Variants in B3GALT1 observed in about 807,000 individuals in gnomAD.
B3GALT1 encodes the protein UDP-Gal:betaGlcNAc beta 1,3-galactosyltransferase, polypeptide 1.
In B3GALT1, 10 loss-of-function variants were observed where a neutral mutation model predicts 23.2. The observed-to-expected ratio is 0.43, with a 90% confidence interval of 0.27 to 0.73. The LOEUF (loss-of-function observed/expected upper bound fraction) is 0.73. Ranked by LOEUF, B3GALT1 falls within the 30% of genes least tolerant of loss-of-function variation. The pLI is 0.21. For synonymous variants in B3GALT1, 156 were observed against 141.5 expected (o/e 1.10, Z -0.73); for missense variants, 299 against 405.4 (o/e 0.74, Z 2.25).
chr2:167,622,017 A>T (rs1335375047), intron 2 of B3GALT1, among the ~76,000 whole-genome samples: 1 of 152,106 alleles, frequency 6.6e-6, no homozygotes, highest in East Asian at 1.9e-4. Context: ...CTAATACAGA[A>T]GTATATACAT....
chr2:167,599,995 C>G (rs1037529239), intron 2 of B3GALT1, among the ~76,000 whole-genome samples: 12 of 152,160 alleles, frequency 7.9e-5, no homozygotes, highest in African/African-American at 2.9e-4. Context: ...GAATGTGTCT[C>G]CCGTATGCTA....
intron 1 of B3GALT1, among the ~76,000 whole-genome samples, chr2:167,454,253 G>C (rs1426643756): frequency 6.6e-6 from 1 of 152,174 alleles, no homozygotes; most frequent in East Asian, 1.9e-4. Context: ...GTGTGCACGT[G>C]CACGTAAACC....
intron 1 of B3GALT1, among the ~76,000 whole-genome samples, chr2:167,380,139 A>C (rs150613253): frequency 4.6e-5 from 7 of 152,018 alleles, no homozygotes; most frequent in Admixed American, 4.6e-4. Context: ...ATGCTTGTAG[A>C]TCGGTTTGGA....
intron 2 of B3GALT1, among the ~76,000 whole-genome samples, chr2:167,645,203 T>C (rs1685728150): frequency 6.6e-6 from 1 of 152,166 alleles, no homozygotes; most frequent in Non-Finnish European, 1.5e-5. Context: ...GCCTGCAGAA[T>C]TGACCACCAA....
At chr2:167,609,269 G>A (rs1685016867) in intron 2 of B3GALT1, among the ~76,000 whole-genome samples, 1 of 152,126 alleles carries the variant, frequency 6.6e-6, no homozygotes, top group Admixed American at 6.6e-5. Context: ...AAACCTTAAA[G>A]AAGGAAAGCT....
At chr2:167,485,152 G>A (rs1699608379) in intron 1 of B3GALT1, among the ~76,000 whole-genome samples, 1 of 152,080 alleles carries the variant, frequency 6.6e-6, no homozygotes, top group Non-Finnish European at 1.5e-5. Flanking sequence ...GATCCATTCA[G>A]TTAGATGGAG....
chr2:167,455,169 C>G (rs1406164189), intron 1 of B3GALT1, among the ~76,000 whole-genome samples: 2 of 152,130 alleles, frequency 1.3e-5, no homozygotes, highest in Admixed American at 6.5e-5. Flanking sequence ...CATGATTTTC[C>G]TAGATTGAGA....
At chr2:167,793,900 C>G (rs950436598) in intron 3 of B3GALT1, among the ~76,000 whole-genome samples, 2 of 152,220 alleles carry the variant, frequency 1.3e-5, no homozygotes, top group Non-Finnish European at 1.5e-5. Flanking sequence ...CCTTCATGCC[C>G]TCCGCATAGG....
In B3GALT1 at chr2:167,869,165, A is replaced by G. The variant is rs974228750; in HGVS notation, c.126A>G (p.Thr42=). 9.3e-6 allele frequency: 15 copies of G among 1,614,154 alleles called. No individual in the cohort carries two copies. Among genetic ancestry groups the G allele is most frequent in the Non-Finnish European group, 1.0e-5 (12 of 1,180,036 alleles). Residue 42 remains threonine (T), a synonymous_variant, in exon 5 of 5, where the codon ACA becomes ACG. Transcript: ENST00000392690. The surrounding 1 kb of genome is among the most constrained non-coding windows in gnomAD (Gnocchi z 6.4). ...YTGSKPFSHL[T]VARKNFTFGN... ...GCTCCAAACCATTCAGCCACCTAAC[A>G]GTTGCCAGGAAAAACTTCACCTTTG...
intron 4 of B3GALT1, among the ~76,000 whole-genome samples, chr2:167,834,084 T>C (rs1343018698): frequency 1.1e-4 from 16 of 152,196 alleles, no homozygotes; most frequent in Admixed American, 1.0e-3. Context: ...AAATAGGGTA[T>C]GCTGGTCTCT....
chr2:167,599,641 A>G (rs944272465), intron 2 of B3GALT1, among the ~76,000 whole-genome samples: 5 of 152,242 alleles, frequency 3.3e-5, no homozygotes, highest in African/African-American at 1.2e-4. Context: ...TCACCAAACT[A>G]TGTGTCAGTT....
At chr2:167,368,689 A>G (rs139580447) in intron 1 of B3GALT1, among the ~76,000 whole-genome samples, 18 of 152,278 alleles carry the variant, frequency 1.2e-4, no homozygotes, top group Admixed American at 2.0e-4. Flanking sequence ...ATTAGGTGCT[A>G]TTATTTAAAA....
intron 2 of B3GALT1, among the ~76,000 whole-genome samples, chr2:167,543,124 G>A (rs930734630): frequency 2.0e-5 from 3 of 151,972 alleles, no homozygotes; most frequent in Non-Finnish European, 2.9e-5. Context: ...CAATAACAGA[G>A]GAAAATTACA....
intron 2 of B3GALT1, among the ~76,000 whole-genome samples, chr2:167,548,685 AGTGTGTGTGTGT>A (rs71031297): frequency 1.4e-5 from 2 of 144,706 alleles, no homozygotes; most frequent in Non-Finnish European, 3.1e-5. Flanking sequence ...CGTGTGTGTG[AGTGTGTGTGTGT>A]GTGTGTGTGT....
intron 1 of B3GALT1, among the ~76,000 whole-genome samples, chr2:167,458,933 CCTGCT>C (rs1377042431): frequency 6.6e-6 from 1 of 152,084 alleles, no homozygotes; most frequent in East Asian, 1.9e-4. Flanking sequence ...TATAACCACC[CCTGCT>C]CTCTTTTGGT....
intron 2 of B3GALT1, among the ~76,000 whole-genome samples, chr2:167,492,407 T>C (rs1260688400): frequency 2.3e-5 from 3 of 128,678 alleles, no homozygotes. Flanking sequence ...TGTTTCCAAA[T>C]TGGGAATTAC....
intron 3 of B3GALT1, chr2:167,715,955 A>G (rs1687136370): frequency 3.7e-6 from 6 of 1,613,074 alleles, no homozygotes; most frequent in Non-Finnish European, 5.1e-6. Flanking sequence ...ATGGAAAACC[A>G]TAAGGATTCG....
chr2:167,456,282 A>G (rs533881044), intron 1 of B3GALT1, among the ~76,000 whole-genome samples: 1 of 152,252 alleles, frequency 6.6e-6, no homozygotes, highest in South Asian at 2.1e-4. Flanking sequence ...CAGTTTTTGC[A>G]TGAACTAATA....
chr2:167,772,616 T>G (rs1688091731), intron 3 of B3GALT1, among the ~76,000 whole-genome samples: 1 of 152,220 alleles, frequency 6.6e-6, no homozygotes, highest in Non-Finnish European at 1.5e-5. Context: ...GAATCAGTAA[T>G]GTTCCTCATT....
Sources: gnomAD v4.1 joint callset for allele counts (sites outside exome capture counted in the v4.1 genomes callset) on GRCh38, gnomAD v4.1.1 for gene constraint, Gnocchi (gnomAD v3.1) non-coding constraint, MANE v1.5 for transcripts, NCBI Gene and HGNC (gene_info 2026-07-23, HGNC 2026-07-21) for gene names.